UNC5C: variants seen among roughly 807,000 people sequenced by gnomAD.
UNC5C encodes unc-5 netrin receptor C.
In UNC5C, 47 loss-of-function variants were observed where a neutral mutation model predicts 99.8. That is an observed-to-expected ratio of 0.47 (90% CI 0.37 to 0.60). The LOEUF (loss-of-function observed/expected upper bound fraction) is 0.60, where lower values mean the gene tolerates loss of function less well. Ranked by LOEUF, UNC5C falls within the 20% of genes least tolerant of loss-of-function variation. UNC5C has a pLI of 0.00. For synonymous variants in UNC5C, 487 were observed against 452.2 expected (o/e 1.08, Z -0.98); for missense variants, 1,062 against 1,165.9 (o/e 0.91, Z 1.30).
At chr4:95,172,807 T>C (rs1408461675) in intron 14 of UNC5C, among the ~76,000 whole-genome samples, 2 of 152,046 alleles carry the variant, frequency 1.3e-5, no homozygotes, top group Non-Finnish European at 2.9e-5. Flanking sequence ...GGGGATGGCA[T>C]TGAATCTATA....
At chr4:95,223,236 C>T (rs1006578510) in intron 7 of UNC5C, among the ~76,000 whole-genome samples, 15 of 152,280 alleles carry the variant, frequency 9.9e-5, no homozygotes, top group African/African-American at 3.1e-4. Flanking sequence ...AACCACAGTT[C>T]TCCAAGATTT....
intron 4 of UNC5C, among the ~76,000 whole-genome samples, chr4:95,274,096 T>A (rs1465807660): frequency 6.6e-6 from 1 of 152,206 alleles, no homozygotes; most frequent in Non-Finnish European, 1.5e-5. Context: ...TATTTCATCA[T>A]GAGCTTGTCA....
intron 1 of UNC5C, among the ~76,000 whole-genome samples, chr4:95,435,484 C>T (rs1193960965): frequency 1.3e-5 from 2 of 152,044 alleles, no homozygotes; most frequent in East Asian, 1.9e-4. Context: ...GAGCATGACA[C>T]AAATTTCCCA....
At chr4:95,480,417 C>T (rs965299158) in intron 1 of UNC5C, among the ~76,000 whole-genome samples, 4 of 151,716 alleles carry the variant, frequency 2.6e-5, no homozygotes, top group African/African-American at 9.7e-5. Context: ...TTGTCATGTC[C>T]TCAGAAATGA....
intron 1 of UNC5C, among the ~76,000 whole-genome samples, chr4:95,459,467 A>G (rs1408393942): frequency 6.6e-6 from 1 of 152,124 alleles, no homozygotes; most frequent in Non-Finnish European, 1.5e-5. Context: ...GCCATTGTCT[A>G]TTTTGGTTCA....
At chr4:95,224,557 A>G (rs963620675) in intron 7 of UNC5C, among the ~76,000 whole-genome samples, 3 of 152,164 alleles carry the variant, frequency 2.0e-5, no homozygotes, top group Admixed American at 6.5e-5. Context: ...TTTGTGCCTT[A>G]TGGTATTTAT....
intron 1 of UNC5C, among the ~76,000 whole-genome samples, chr4:95,544,244 C>A (rs1447184573): frequency 6.6e-6 from 1 of 152,174 alleles, no homozygotes; most frequent in African/African-American, 2.4e-5. Flanking sequence ...CATTGGTAAT[C>A]ACTATGTTAA....
chr4:95,526,090 C>A (rs560133045), intron 1 of UNC5C, among the ~76,000 whole-genome samples: 2 of 152,070 alleles, frequency 1.3e-5, no homozygotes, highest in African/African-American at 4.8e-5. Flanking sequence ...GAAAGGGCAA[C>A]GACTTTTCAA....
At chr4:95,424,590 C>T (rs1040924602) in intron 1 of UNC5C, among the ~76,000 whole-genome samples, 6 of 134,742 alleles carry the variant, frequency 4.5e-5, no homozygotes, top group Admixed American at 1.7e-4. Flanking sequence ...GGCGCAATCT[C>T]GGCTCACTGC....
intron 3 of UNC5C, among the ~76,000 whole-genome samples, chr4:95,288,373 G>A (rs994030958): frequency 1.6e-4 from 25 of 152,054 alleles, no homozygotes; most frequent in Admixed American, 7.9e-4. Context: ...GTGAGCCACC[G>A]TGCCCAGCAC....
rs150801502 is a variant in UNC5C at position 95,538,731 on chromosome 4, T to A, written c.124+10003A>T. ...GTGATATGGGAATGTATGACAATAA[T>A]AATCAATATATGTTTATATATTGAT... On this transcript the variant is annotated intron_variant, in intron 1 of 15. Transcript: ENST00000453304. Among the ~76,000 whole-genome samples, 25 of 152,294 alleles carry A rather than the reference T, an allele frequency of 1.6e-4. No individual in the cohort carries two copies. In the East Asian group the frequency reaches 4.6e-3, roughly 28 times the overall value.
At chr4:95,536,084 T>TATA (rs1478202884) in intron 1 of UNC5C, among the ~76,000 whole-genome samples, 7 of 113,938 alleles carry the variant, frequency 6.1e-5, no homozygotes, top group African/African-American at 1.4e-4. Flanking sequence ...ATATATATAT[T>TATA]TTTTTTTTTT....
intron 1 of UNC5C, among the ~76,000 whole-genome samples, chr4:95,448,225 T>TGAGAGAGAGAGAGAGAGAGAGAGAGA (rs1260024385): frequency 1.2e-4 from 13 of 105,732 alleles, no homozygotes; most frequent in Non-Finnish European, 1.8e-4. Flanking sequence ...TGTGTGTGTG[T>TGAGAGAGAGAGAGAGAGAGAGAGAGA]GTGAGAGAGA....
chr4:95,293,295 CTTTTTTTTTTT>C (rs1175837199), intron 3 of UNC5C, among the ~76,000 whole-genome samples: 1,446 of 56,920 alleles, frequency 0.025, 30 homozygotes, highest in African/African-American at 0.092. Flanking sequence ...TAATAGTGAG[CTTTTTTTTTTT>C]TTTTTTTTTT....
intron 1 of UNC5C, among the ~76,000 whole-genome samples, chr4:95,520,490 C>A (rs751219097): frequency 6.6e-6 from 1 of 151,868 alleles, no homozygotes; most frequent in Non-Finnish European, 1.5e-5. Flanking sequence ...AGGAGATATT[C>A]ATTATCTCTT....
At chr4:95,184,241 G>A (rs1736736810) in intron 13 of UNC5C, among the ~76,000 whole-genome samples, 1 of 152,194 alleles carries the variant, frequency 6.6e-6, no homozygotes, top group Non-Finnish European at 1.5e-5. Flanking sequence ...TAATTTATGT[G>A]TAGGAACTAG....
intron 7 of UNC5C, 110 bp downstream of exon 7, chr4:95,242,319 C>G (rs1270323281): frequency 1.5e-5 from 21 of 1,423,880 alleles, no homozygotes; most frequent in Non-Finnish European, 2.0e-5. Flanking sequence ...TATGTTATTG[C>G]ATTTTATTGT....
chr4:95,238,616 CCTCT>C (rs1739213408), intron 7 of UNC5C, among the ~76,000 whole-genome samples: 1 of 152,040 alleles, frequency 6.6e-6, no homozygotes, highest in Admixed American at 6.5e-5. Context: ...AGTAATAAAT[CCTCT>C]CTATCTTGAT....
rs760894608 is a variant in UNC5C, at chr4:95,219,064, A to C, written c.1550T>G (p.Leu517Arg). 1 of 1,614,146 alleles carries C rather than the reference A, an allele frequency of 6.2e-7. No individual in the cohort carries two copies. Among genetic ancestry groups the C allele is most frequent in the Non-Finnish European group, 8.5e-7 (1 of 1,180,024 alleles). ...QSLLENEALS[L>R]KNQSLARQTD... The stretch of plus-strand genomic sequence containing the variant: ...CTGCCTTGCTAGACTCTGGTTCTTC[A>C]GGCTGAGGGCTTCATTCTCCAACAA... The change falls in exon 9 of 16, where the codon CTG (leucine) becomes CGG (arginine). Residue 517 changes from leucine to arginine, a missense_variant. Around this residue, in one of 3 missense-constraint regions of UNC5C, gnomAD observed 810 missense variants for 854.5 expected, o/e 0.95. Coordinates refer to ENST00000453304, the MANE Select transcript of UNC5C (RefSeq NM_003728.4).
Sources: allele counts gnomAD v4.1 joint callset (sites outside exome capture counted in the v4.1 genomes callset), GRCh38; gene constraint gnomAD v4.1.1; regional missense constraint gnomAD v4.1.1; transcripts MANE v1.5; gene names NCBI Gene and HGNC (gene_info 2026-07-23, HGNC 2026-07-21).